The following GLIPR1 variants were observed in gnomAD, a reference collection of about 807,000 sequenced individuals.
GLIPR1 encodes the protein GLI pathogenesis related 1, also known as glioma pathogenesis-related protein 1.
GLIPR1 carries 38 observed loss-of-function variants against 30.3 expected under a neutral mutation model. That is an observed-to-expected ratio of 1.26 (90% CI 0.97 to 1.65). GLIPR1 has a LOEUF of 1.65. GLIPR1 is among the 40% of genes most tolerant of loss of function. The pLI is 0.00. For synonymous variants in GLIPR1, 122 were observed against 110.6 expected, an observed-to-expected ratio of 1.10 and a Z score of -0.65; for missense variants, 285 against 326.5, an observed-to-expected ratio of 0.87 and a Z score of 0.98.
rs1220946410 is a variant in GLIPR1 at position 75,499,924 on chromosome 12, G to A, written c.*946G>A. On this transcript the variant is annotated 3_prime_UTR_variant, in exon 6 of 6. Coordinates refer to ENST00000266659, the MANE Select transcript of GLIPR1 (RefSeq NM_006851.3). The stretch of plus-strand genomic sequence containing the variant: ...TTTCTTAACCTTTTCCTTGATGCTG[G>A]CCACATCAATTTTAGTTTCAGTAGA... 6.2e-7 allele frequency: 1 copy of A among 1,603,504 alleles called. No homozygotes were observed. Among genetic ancestry groups the A allele is most frequent in the South Asian group, 1.1e-5 (1 of 89,032 alleles).
Position 75,499,002 on chromosome 12 carries a change from C to A in GLIPR1, c.*24C>A. On this transcript the variant is annotated 3_prime_UTR_variant, in exon 6 of 6. Transcript: ENST00000266659. ...AATACAATTCAGGAAAGAAAAAACC[C>A]AAAAACCAACCTCATTCACATATGG... 1 of 1,502,024 alleles carries A rather than the reference C, an allele frequency of 6.7e-7. No homozygotes were observed. The allele number at this position is 1,502,024 out of a possible 1,614,324, so 93.0% of individuals were successfully genotyped here. A position where few individuals can be genotyped will look rare whatever the true frequency, so the allele number is the denominator to read the frequency against.
intron 2 of GLIPR1, among the ~76,000 whole-genome samples, chr12:75,483,170 A>AAT (rs2046279173): frequency 6.6e-6 from 1 of 152,238 alleles, no homozygotes; most frequent in African/African-American, 2.4e-5. Context: ...AATTTACTTC[A>AAT]TAAACTAACA....
chr12:75,481,505 A>C (rs2046270907), intron 1 of GLIPR1: 1 of 282,656 alleles, frequency 3.5e-6, no homozygotes, highest in African/African-American at 2.2e-5. Context: ...CTGTGGCTTT[A>C]AGCTGGTTTT....
rs960053441 is a variant in GLIPR1 at position 75,490,476 on chromosome 12, C to T, written c.491C>T (p.Ala164Val). Residue 164 changes from alanine (A) to valine (V), a missense_variant, in exon 3 of 6, where the codon GCT (alanine) becomes GTT (valine). Physicochemically the swap from Ala to Val is moderately conservative, Grantham distance 64. Coordinates refer to ENST00000266659, the MANE Select transcript of GLIPR1 (RefSeq NM_006851.3). ...TGCCCTAAAGTTTCTGGCTTTGACG[C>T]TCTTTCCAATGGAGCACATTTTATA... ...QFCPKVSGFD[A>V]LSNGAHFICN... 3.3e-6 allele frequency: 5 copies of T among 1,531,656 alleles called. No homozygotes were observed. Among genetic ancestry groups the T allele is most frequent in the African/African-American group, 1.4e-5 (1 of 69,826 alleles). The allele number at this position is 1,531,656 out of a possible 1,614,324, so 94.9% of individuals were successfully genotyped here. A position where few individuals can be genotyped will look rare whatever the true frequency, so the allele number is the denominator to read the frequency against.
At chr12:75,493,570 A>G (rs12827668) in intron 3 of GLIPR1, 35,828 of 152,084 alleles carry the variant, frequency 0.24, 4,474 homozygotes, top group South Asian at 0.32. Flanking sequence ...TGACCACAAG[A>G]TAGTCAAGAT....
rs1445827061 is a variant in GLIPR1, at chr12:75,500,755, T to C, written c.*1777T>C. On this transcript the variant is annotated 3_prime_UTR_variant, in exon 6 of 6. Coordinates refer to ENST00000266659, the MANE Select transcript of GLIPR1 (RefSeq NM_006851.3). ...ACAGGATCACAGCATAAAAGAATCATAAGATAAAACATCAAACTACCCAGC... is the reference window on the plus strand; with the variant it reads ...ACAGGATCACAGCATAAAAGAATCACAAGATAAAACATCAAACTACCCAGC... 2 of 151,904 alleles carry C rather than the reference T, an allele frequency of 1.3e-5. No homozygotes were observed. Among genetic ancestry groups the C allele is most frequent in the Admixed American group, 1.3e-4 (2 of 15,234 alleles). 9.4% of individuals were successfully genotyped at this position (151,904 alleles called of 1,614,324 possible). A position where few individuals can be genotyped will look rare whatever the true frequency, so the allele number is the denominator to read the frequency against.
rs2046370838 is a variant in GLIPR1, at chr12:75,498,970, T to C, written c.793T>C (p.Leu265=). The change falls in exon 6 of 6, where the codon TTG becomes CTG. Residue 265 remains leucine, a synonymous_variant. Coordinates refer to ENST00000266659, the MANE Select transcript of GLIPR1 (RefSeq NM_006851.3). ...VQHKYPNLVL[L]D The stretch of plus-strand genomic sequence containing the variant: ...GCACAAGTACCCTAATTTAGTTCTT[T>C]TGGACTAATACAATTCAGGAAAGAA... 1.3e-6 allele frequency: 2 copies of C among 1,589,852 alleles called. No homozygotes were observed. The highest frequency in any genetic ancestry group is 1.4e-5 in the African/African-American group (1 of 73,716).
intron 4 of GLIPR1, chr12:75,498,235 C>CCAAA (rs2046363695): frequency 6.6e-6 from 1 of 152,480 alleles, no homozygotes; most frequent in Non-Finnish European, 1.5e-5. Context: ...GACTTGATAG[C>CCAAA]CAAACATCGT....
rs747843506 is a variant in GLIPR1, at chr12:75,498,681, C to CCTAA, written c.620-10_620-7dup. The CCTAA allele has an allele frequency of 1.8e-5, 29 of 1,608,678 alleles. No individual in the cohort carries two copies. The Admixed American group carries it at 2.5e-4, about 14-fold the overall frequency. On this transcript the variant is annotated splice_polypyrimidine_tract_variant and intron_variant, in intron 4 of 5. Coordinates refer to ENST00000266659, the MANE Select transcript of GLIPR1 (RefSeq NM_006851.3). The stretch of plus-strand genomic sequence containing the variant: ...CTTTTAATTTTTTTTCTTTCTTCCC[C>CCTAA]CTAACTTTACAGTTAACCGACAGCG...
rs1224297383 is a variant in GLIPR1, at chr12:75,499,281, G to T, written c.*303G>T. On this transcript the variant is annotated 3_prime_UTR_variant, in exon 6 of 6. Coordinates refer to ENST00000266659, the MANE Select transcript of GLIPR1 (RefSeq NM_006851.3). ...GTAGCACATTTTTAGGTGATTCTTA[G>T]TAACTCCAGTAGCCTTCATTAGTTA... 1.9e-5 allele frequency: 4 copies of T among 210,760 alleles called. No homozygotes were observed. The East Asian group carries it at 4.3e-4, about 23-fold the overall frequency. The allele number at this position is 210,760 out of a possible 1,614,324, so 13.1% of individuals were successfully genotyped here. A position where few individuals can be genotyped will look rare whatever the true frequency, so the allele number is the denominator to read the frequency against.
In GLIPR1 at chr12:75,502,248, A is replaced by G. The variant is rs547046644; in HGVS notation, c.*3270A>G. ...AGGGATATGGCATGGAAGGTCACTG[A>G]TTCAGAAAAGTGTGAGAAGAAACTG... On this transcript the variant is annotated 3_prime_UTR_variant, in exon 6 of 6. Coordinates refer to ENST00000266659, the MANE Select transcript of GLIPR1 (RefSeq NM_006851.3). The G allele has an allele frequency of 9.4e-5, 32 of 339,932 alleles. No individual in the cohort carries two copies. The highest frequency in any genetic ancestry group is 8.1e-4 in the Admixed American group (18 of 22,318). 21.1% of individuals were successfully genotyped at this position (339,932 alleles called of 1,614,324 possible). A position where few individuals can be genotyped will look rare whatever the true frequency, so the allele number is the denominator to read the frequency against.
At chr12:75,494,552 A>ATAAC (rs2046339586) in intron 3 of GLIPR1, 1 of 152,214 alleles carries the variant, frequency 6.6e-6, no homozygotes, top group Non-Finnish European at 1.5e-5. Flanking sequence ...AAACATTTTG[A>ATAAC]TAACTATTTC....
chr12:75,482,904 G>A (rs1012156547), intron 2 of GLIPR1, among the ~76,000 whole-genome samples: 4 of 151,894 alleles, frequency 2.6e-5, no homozygotes, highest in Admixed American at 2.6e-4. Context: ...AACCAATAAC[G>A]TACGGTACTT....
At position 75,503,067 on chromosome 12, in the gene GLIPR1, G is replaced by A. The variant is rs1439556685; in HGVS notation, c.*4089G>A. The A allele has an allele frequency of 1.3e-5, 2 of 152,150 alleles. No homozygotes were observed. The highest frequency in any genetic ancestry group is 4.8e-5 in the African/African-American group (2 of 41,426). 9.4% of individuals were successfully genotyped at this position (152,150 alleles called of 1,614,324 possible). ...GGGAAGGCTTTAGGATATAGCCAAG[G>A]AAGGGAATAATGAAGCAAGAACCCC... On this transcript the variant is annotated 3_prime_UTR_variant, in exon 6 of 6. Transcript: ENST00000266659.
chr12:75,493,683 C>G (rs2046335381), intron 3 of GLIPR1: 1 of 152,166 alleles, frequency 6.6e-6, no homozygotes, highest in African/African-American at 2.4e-5. Flanking sequence ...CCCATAACCC[C>G]AACCCTCTTC....
At chr12:75,487,618 C>T (rs2046299621) in intron 2 of GLIPR1, 2 of 357,770 alleles carry the variant, frequency 5.6e-6, no homozygotes, top group Admixed American at 3.4e-5. Flanking sequence ...GAGAAGGCAG[C>T]CCACACTCTG....
At position 75,501,769 on chromosome 12, in the gene GLIPR1, T is replaced by C; in HGVS notation, c.*2791T>C. 1.2e-6 allele frequency: 2 copies of C among 1,611,222 alleles called. No homozygotes were observed. Among genetic ancestry groups the C allele is most frequent in the Non-Finnish European group, 1.7e-6 (2 of 1,178,482 alleles). ...GTTTTTCCTTAGGTGGAATAAATGC[T>C]TTGTTTCTTTCCTCTTGTCTCTTAC... On this transcript the variant is annotated 3_prime_UTR_variant, in exon 6 of 6. Coordinates refer to ENST00000266659, the MANE Select transcript of GLIPR1 (RefSeq NM_006851.3).
chr12:75,485,732 A>G (rs944985644), intron 2 of GLIPR1, among the ~76,000 whole-genome samples: 1 of 151,408 alleles, frequency 6.6e-6, no homozygotes, highest in African/African-American at 2.4e-5. Context: ...TTGTATTTTT[A>G]GTAGAGATGG....
At position 75,503,345 on chromosome 12, in the gene GLIPR1, G is replaced by A. The variant is rs560055180; in HGVS notation, c.*4367G>A. Reference sequence around the variant, plus strand: ...CTTAATTTGGTAGCCACGTTGCAAGGAAGAAGTCAAGTTTTTAGACTGATC... The same window carrying A: ...CTTAATTTGGTAGCCACGTTGCAAGAAAGAAGTCAAGTTTTTAGACTGATC... On this transcript the variant is annotated 3_prime_UTR_variant, in exon 6 of 6. Transcript: ENST00000266659. The A allele has an allele frequency of 2.0e-5, 3 of 152,216 alleles. No homozygotes were observed. Among genetic ancestry groups the A allele is most frequent in the East Asian group, 1.9e-4 (1 of 5,186 alleles). The allele number at this position is 152,216 out of a possible 1,614,324, so 9.4% of individuals were successfully genotyped here. A position where few individuals can be genotyped will look rare whatever the true frequency, so the allele number is the denominator to read the frequency against.
Sources: gnomAD v4.1 joint callset for allele counts (sites outside exome capture counted in the v4.1 genomes callset) on GRCh38, gnomAD v4.1.1 for gene constraint, MANE v1.5 for transcripts, NCBI Gene and HGNC (gene_info 2026-07-23, HGNC 2026-07-21) for gene names.